SELE: variants seen among roughly 807,000 people sequenced by gnomAD.
SELE encodes E-selectin.
A neutral mutation model predicts 75.8 loss-of-function variants in SELE; 52 were observed. That is an observed-to-expected ratio of 0.69 (90% CI 0.55 to 0.86). The LOEUF (loss-of-function observed/expected upper bound fraction) is 0.86. SELE is among the 40% of genes least tolerant of loss of function. The probability of loss-of-function intolerance (pLI) is 0.00; values close to 1 mark genes in which losing one functional copy is unlikely to be tolerated. For missense variants in SELE, 754 were observed against 732.7 expected, an observed-to-expected ratio of 1.03 and a Z score of -0.34; for synonymous variants, 285 against 258.7, an observed-to-expected ratio of 1.10 and a Z score of -0.98.
rs1417572402 is a variant in SELE, at chr1:169,729,229, G to A, written c.1047C>T (p.Cys349=). ...GCTGTGTCCACTGCCCTTGAGTGGT[G>A]CATTCAACCTGGGCTGGTCCCTGCA... is the stretch of plus-strand genomic sequence containing the variant. ...FMLQGPAQVE[C]TTQGQWTQQI... The change falls in exon 7 of 14, where the codon TGC becomes TGT. Residue 349 remains cysteine, a synonymous_variant. Coordinates refer to ENST00000333360, the MANE Select transcript of SELE (RefSeq NM_000450.2). 6.2e-7 allele frequency: 1 copy of A among 1,613,914 alleles called. No homozygotes were observed. Among genetic ancestry groups the A allele is most frequent in the Non-Finnish European group, 8.5e-7 (1 of 1,179,896 alleles).
rs200662412 is a variant in SELE at position 169,727,900 on chromosome 1, G to A, written c.1307C>T (p.Pro436Leu). The A allele has an allele frequency of 4.1e-5, 66 of 1,613,964 alleles. 1 individual carries two copies. The Admixed American group carries it at 9.0e-4, about 22-fold the overall frequency. ...EAVRCDAVHQ[P>L]PKGLVRCAHS... ...AGCACACCTCACCAAACCCTTCGGG[G>A]GCTGGTGGACAGCATCGCATCTCAC... Residue 436 changes from proline (P) to leucine (L), a missense_variant, in exon 9 of 14, where the codon CCC becomes CTC. By Grantham distance (98) the Pro-to-Leu change is moderately conservative. Transcript: ENST00000333360.
In SELE at chr1:169,727,787, CAAGTT is replaced by C. The variant is rs1329896969; in HGVS notation, c.1415_1419del (p.Gln472ArgfsTer49). 1.9e-6 allele frequency: 3 copies of C among 1,614,054 alleles called. No individual in the cohort carries two copies. The highest frequency in any genetic ancestry group is 8.5e-7 in the Non-Finnish European group (1 of 1,180,032). On this transcript the variant is annotated frameshift_variant, in exon 9 of 14. Coordinates refer to ENST00000333360, the MANE Select transcript of SELE (RefSeq NM_000450.2). LOFTEE classifies it high-confidence loss of function. ...GTCCATTGTCCCTGAGATGTGCACT[CAAGTT>C]GAGTTGATCCATGTAATTCAAATCC...
At chr1:169,729,915 G>A (rs1322346676) in intron 5 of SELE, among the ~76,000 whole-genome samples, 4 of 151,774 alleles carry the variant, frequency 2.6e-5, no homozygotes, top group Non-Finnish European at 4.4e-5. Context: ...TATCATTTAC[G>A]TGAGGTAAAA....
At chr1:169,731,264 C>A (rs924058350) in intron 4 of SELE, among the ~76,000 whole-genome samples, 3 of 152,186 alleles carry the variant, frequency 2.0e-5, no homozygotes, top group African/African-American at 7.2e-5. Flanking sequence ...ATCACAAAAG[C>A]TCTACTGCAC....
At chr1:169,725,876 A>G (rs751541349) in intron 12 of SELE, 31 bp downstream of exon 12, 3 of 1,613,992 alleles carry the variant, frequency 1.9e-6, no homozygotes, top group Non-Finnish European at 2.5e-6. Flanking sequence ...GGAATGTTCA[A>G]TGGCATGCTT....
In SELE at chr1:169,724,112, G is replaced by A. The variant is rs1367179967; in HGVS notation, c.*413C>T. The A allele has an allele frequency of 6.6e-6, 1 of 152,158 alleles. No individual in the cohort carries two copies. The highest frequency in any genetic ancestry group is 2.4e-5 in the African/African-American group (1 of 41,418). The allele number at this position is 152,158 out of a possible 1,614,324, so 9.4% of individuals were successfully genotyped here. On this transcript the variant is annotated 3_prime_UTR_variant, in exon 14 of 14. Coordinates refer to ENST00000333360, the MANE Select transcript of SELE (RefSeq NM_000450.2). ...TATTCATTCTTATGACAGCAACTGT[G>A]TAATCAGCTGTCGAAACACTGTGAA...
In SELE at chr1:169,727,342, G is replaced by A; in HGVS notation, c.1645+7C>T. The A allele has an allele frequency of 6.2e-7, 1 of 1,607,818 alleles. No homozygotes were observed. The highest frequency in any genetic ancestry group is 8.5e-7 in the Non-Finnish European group (1 of 1,177,020). ...CACCAGACAACCACCATCAATCAAT[G>A]CATCACCTTCACAGGTAGGTAGCAG... On this transcript the variant is annotated splice_region_variant and intron_variant, in intron 10 of 13. Coordinates refer to ENST00000333360, the MANE Select transcript of SELE (RefSeq NM_000450.2).
intron 10 of SELE, 105 bp downstream of exon 10, chr1:169,727,244 G>A: frequency 1.6e-6 from 2 of 1,273,214 alleles, no homozygotes; most frequent in East Asian, 2.4e-5. Flanking sequence ...GTCAACCTGG[G>A]CGAACTTTCT....
Position 169,726,764 on chromosome 1 carries a change from GCAGAAAGT to G in SELE, c.1680_1687del (p.Leu561CysfsTer35). 1.2e-6 allele frequency: 2 copies of G among 1,613,870 alleles called. No homozygotes were observed. The highest frequency in any genetic ancestry group is 2.2e-5 in the South Asian group (2 of 90,976). Reference sequence around the variant, plus strand: ...TAATGTCAGGAGGGAGAGTCCAGCAGCAGAAAGTCCAGCTACCAAGGGAATGTTGGACT... The same window carrying G: ...TAATGTCAGGAGGGAGAGTCCAGCAGCCAGCTACCAAGGGAATGTTGGACT... On this transcript the variant is annotated frameshift_variant, in exon 11 of 14. Coordinates refer to ENST00000333360, the MANE Select transcript of SELE (RefSeq NM_000450.2). LOFTEE classifies it high-confidence loss of function.
chr1:169,727,208 C>A, intron 10 of SELE, 141 bp downstream of exon 10: 1 of 818,172 alleles, frequency 1.2e-6, no homozygotes. Context: ...TTTCTCTATC[C>A]CCATACAACT....
rs1648973454 is a variant in SELE, at chr1:169,733,621, G to T, written c.-9C>A. On this transcript the variant is annotated 5_prime_UTR_variant, in exon 2 of 14. Coordinates refer to ENST00000333360, the MANE Select transcript of SELE (RefSeq NM_000450.2). ...AACTGTGAAGCAATCATGACTTCAA[G>T]AGTTCTTTTCACCCAAAGGTTTAGG... 5.0e-6 allele frequency: 8 copies of T among 1,613,808 alleles called. No individual in the cohort carries two copies. Among genetic ancestry groups the T allele is most frequent in the African/African-American group, 1.3e-5 (1 of 74,922 alleles).
intron 2 of SELE, 44 bp downstream of exon 2, chr1:169,733,532 A>G (rs1164273251): frequency 1.3e-6 from 2 of 1,578,802 alleles, no homozygotes; most frequent in South Asian, 1.1e-5. Context: ...TGAAATATCT[A>G]TAGTGCGAGA....
At chr1:169,727,706 C>T (rs1356066422) in intron 9 of SELE, 33 bp downstream of exon 9, 9 of 1,604,560 alleles carry the variant, frequency 5.6e-6, no homozygotes, top group Non-Finnish European at 6.8e-6. Context: ...AGTATTTGAC[C>T]TGTACCCTAA....
intron 13 of SELE, among the ~76,000 whole-genome samples, chr1:169,725,288 C>A (rs1370465147): frequency 6.6e-6 from 1 of 151,636 alleles, no homozygotes; most frequent in East Asian, 1.9e-4. Context: ...GAGGCTGAGG[C>A]AGGAGAATTG....
intron 4 of SELE, 55 bp downstream of exon 4, chr1:169,731,780 G>T: frequency 4.2e-6 from 5 of 1,192,794 alleles, no homozygotes; most frequent in Non-Finnish European, 6.3e-6. Context: ...TGCCAGCTAG[G>T]ACGTGAGATG....
rs1017126804 is a variant in SELE at position 169,724,421 on chromosome 1, A to G, written c.*104T>C. The G allele has an allele frequency of 6.6e-6, 1 of 152,244 alleles. No homozygotes were observed. Among genetic ancestry groups the G allele is most frequent in the African/African-American group, 2.4e-5 (1 of 41,464 alleles). 9.4% of individuals were successfully genotyped at this position (152,244 alleles called of 1,614,324 possible). A position where few individuals can be genotyped will look rare whatever the true frequency, so the allele number is the denominator to read the frequency against. On this transcript the variant is annotated 3_prime_UTR_variant, in exon 14 of 14. Coordinates refer to ENST00000333360, the MANE Select transcript of SELE (RefSeq NM_000450.2). ...TTTCAGCCATAAAGGCATCTGGCAT[A>G]GTAGGCAAGAAGGGCCAGAGACCCG...
At chr1:169,733,087 G>A (rs1363132878) in intron 2 of SELE, 89 bp from the exon 3 acceptor site, 1 of 1,366,512 alleles carries the variant, frequency 7.3e-7, no homozygotes, top group Non-Finnish European at 9.8e-7. Flanking sequence ...CTTATTTTTG[G>A]CAATGTTTGT....
In SELE at chr1:169,725,555, G is replaced by A. The variant is rs1364374512; in HGVS notation, c.*15+174C>T. On this transcript the variant is annotated intron_variant, in intron 13 of 13. Coordinates refer to ENST00000333360, the MANE Select transcript of SELE (RefSeq NM_000450.2). ...GAAATTACACAATAAAGCTAGATCC[G>A]TTTCTTTCCTCTCCTTCTACAAAAA... is the stretch of plus-strand genomic sequence containing the variant. Among the ~76,000 whole-genome samples the A allele has an allele frequency of 3.3e-5, 5 of 151,556 alleles. No individual in the cohort carries two copies. The East Asian group carries it at 7.7e-4, about 23-fold the overall frequency.
chr1:169,727,335 A>C lies in SELE; in HGVS notation c.1645+14T>G. The C allele has an allele frequency of 6.2e-7, 1 of 1,601,664 alleles. No homozygotes were observed. The highest frequency in any genetic ancestry group is 2.2e-5 in the East Asian group (1 of 44,660). The stretch of plus-strand genomic sequence containing the variant: ...TTTTAATCACCAGACAACCACCATC[A>C]ATCAATGCATCACCTTCACAGGTAG... On this transcript the variant is annotated intron_variant, in intron 10 of 13. Transcript: ENST00000333360.
Sources: gnomAD v4.1 joint callset for allele counts (sites outside exome capture counted in the v4.1 genomes callset) on GRCh38, gnomAD v4.1.1 for gene constraint, MANE v1.5 for transcripts, NCBI Gene and HGNC (gene_info 2026-07-23, HGNC 2026-07-21) for gene names.